PPP6R3: variants seen among roughly 807,000 people sequenced by gnomAD.
The protein encoded by PPP6R3 is protein phosphatase 6 regulatory subunit 3, also known as serine/threonine-protein phosphatase 6 regulatory subunit 3.
In PPP6R3, 38 loss-of-function variants were observed where a neutral mutation model predicts 110.7. The observed-to-expected ratio is 0.34, with a 90% confidence interval of 0.26 to 0.45. The LOEUF (loss-of-function observed/expected upper bound fraction) is 0.45, where lower values mean the gene tolerates loss of function less well. Among genes scored for constraint, PPP6R3 ranks in the 20% least tolerant of loss-of-function variants. The pLI, the probability that PPP6R3 is intolerant of heterozygous loss-of-function variation, is 1.00. For missense variants in PPP6R3, 870 were observed against 1,062.4 expected (o/e 0.82, Z 2.52); for synonymous variants, 369 against 373.5 (o/e 0.99, Z 0.14).
At chr11:68,554,339 TC>T (rs1044851731) in intron 7 of PPP6R3, 82 bp downstream of exon 7, 19 of 1,077,324 alleles carry the variant, frequency 1.8e-5, no homozygotes, top group Non-Finnish European at 2.4e-5. Flanking sequence ...TGGTAAGTGT[TC>T]CTTATGTGGG....
At chr11:68,609,743 C>T in intron 22 of PPP6R3, 161 bp from the exon 23 acceptor site, 1 of 1,555,598 alleles carries the variant, frequency 6.4e-7, no homozygotes, top group Non-Finnish European at 8.9e-7. Flanking sequence ...CAGTCACTGT[C>T]TGTGGTTGTG....
At chr11:68,598,496 T>TC (rs2099620881) in intron 19 of PPP6R3, among the ~76,000 whole-genome samples, 1 of 152,276 alleles carries the variant, frequency 6.6e-6, no homozygotes, top group Non-Finnish European at 1.5e-5. Context: ...GCTTCTCTGT[T>TC]CCTTGGGAAA....
intron 14 of PPP6R3, among the ~76,000 whole-genome samples, chr11:68,580,243 C>T (rs1033765807): frequency 1.1e-4 from 16 of 152,102 alleles, no homozygotes; most frequent in South Asian, 6.2e-4. Context: ...GCCAGAAAGG[C>T]GCCAAACAGC....
intron 5 of PPP6R3, among the ~76,000 whole-genome samples, chr11:68,550,596 T>A (rs753565463): frequency 6.6e-6 from 1 of 152,204 alleles, no homozygotes; most frequent in African/African-American, 2.4e-5. Context: ...GCGGAAAAAC[T>A]CTGCCTCTGT....
chr11:68,563,568 G>T (rs182512519), intron 8 of PPP6R3, among the ~76,000 whole-genome samples: 1 of 152,338 alleles, frequency 6.6e-6, no homozygotes, highest in East Asian at 1.9e-4. Context: ...TTTTGGGTAG[G>T]AGAGCATCAT....
intron 1 of PPP6R3, among the ~76,000 whole-genome samples, chr11:68,469,642 G>A (rs143228039): frequency 0.022 from 3,405 of 151,936 alleles, 54 homozygotes; most frequent in Middle Eastern, 0.037. Flanking sequence ...TTTTCCCAAA[G>A]TGCTGAGATA....
intron 3 of PPP6R3, among the ~76,000 whole-genome samples, chr11:68,541,531 AAT>A (rs1158145541): frequency 1.3e-5 from 2 of 152,068 alleles, no homozygotes; most frequent in Non-Finnish European, 2.9e-5. Flanking sequence ...ATGGCAGTGA[AAT>A]AAGATTGCAG....
intron 1 of PPP6R3, among the ~76,000 whole-genome samples, chr11:68,496,948 G>A (rs1031538071): frequency 1.5e-5 from 2 of 131,418 alleles, no homozygotes; most frequent in South Asian, 2.7e-4. Context: ...TGCAAACTCC[G>A]CCTCCCAGGT....
chr11:68,594,322 AAGAG>A lies in PPP6R3; in HGVS notation c.1917-1766_1917-1763del, dbSNP rs535164223. On this transcript the variant is annotated intron_variant, in intron 18 of 23. Coordinates refer to ENST00000393800, the MANE Select transcript of PPP6R3 (RefSeq NM_001164161.2). ...GAGGAGAGAGAGAGAGAGAGAGAAA[AAGAG>A]AGAGAGAGTGAGAGAGAGAGTGAGA... Among the ~76,000 whole-genome samples the A allele has an allele frequency of 1.4e-3, 170 of 125,520 alleles. 1 individual carries two copies. Among genetic ancestry groups the A allele is most frequent in the South Asian group, 9.9e-3 (38 of 3,826 alleles). The allele number at this position is 125,520 out of a possible 152,430, so 82.3% of individuals were successfully genotyped here. A position where few individuals can be genotyped will look rare whatever the true frequency, so the allele number is the denominator to read the frequency against.
rs1159714167 is a variant in PPP6R3, at chr11:68,587,927, G to A, written c.1633G>A (p.Ala545Thr). The change falls in exon 16 of 24, where the codon GCC becomes ACC. Residue 545 changes from alanine (A) to threonine (T), a missense_variant and splice_region_variant. Physicochemically the swap from Ala to Thr is moderately conservative, Grantham distance 58. Transcript: ENST00000393800. ...GFSQDSSLQQ[A>T]FSDYQMQQMT... ...CTGTCACTGGTCCTGGGGTTGCCAGGCCTTTTCTGATTATCAGATGCAACA... is the reference window on the plus strand; with the variant it reads ...CTGTCACTGGTCCTGGGGTTGCCAGACCTTTTCTGATTATCAGATGCAACA... 1.2e-6 allele frequency: 2 copies of A among 1,613,858 alleles called. No homozygotes were observed. The highest frequency in any genetic ancestry group is 1.7e-5 in the Admixed American group (1 of 60,026).
chr11:68,464,237 G>T (rs10047483), intron 1 of PPP6R3, among the ~76,000 whole-genome samples: 1 of 151,860 alleles, frequency 6.6e-6, no homozygotes, highest in African/African-American at 2.4e-5. Flanking sequence ...GGTTCAAGCA[G>T]TTCTCTGCCT....
chr11:68,561,904 C>T (rs2099424303), intron 8 of PPP6R3, among the ~76,000 whole-genome samples: 1 of 152,176 alleles, frequency 6.6e-6, no homozygotes, highest in Admixed American at 6.5e-5. Context: ...GGACTACAGG[C>T]ACAAGCCATC....
intron 1 of PPP6R3, among the ~76,000 whole-genome samples, chr11:68,462,863 A>G (rs1478985247): frequency 1.3e-5 from 2 of 152,144 alleles, no homozygotes; most frequent in African/African-American, 2.4e-5. Context: ...ACTCAGTCTT[A>G]AGTAGAGATG....
At chr11:68,572,576 A>G (rs2099511767) in intron 12 of PPP6R3, among the ~76,000 whole-genome samples, 1 of 152,180 alleles carries the variant, frequency 6.6e-6, no homozygotes, top group Admixed American at 6.5e-5. Flanking sequence ...CTGGCCAGGC[A>G]CGGTGGGAGA....
intron 3 of PPP6R3, among the ~76,000 whole-genome samples, chr11:68,540,907 G>A (rs1255275045): frequency 6.6e-6 from 1 of 152,144 alleles, no homozygotes. Flanking sequence ...AAGATGCTCA[G>A]ATTTCATATT....
At chr11:68,522,844 G>T (rs779647743) in intron 2 of PPP6R3, among the ~76,000 whole-genome samples, 6 of 152,172 alleles carry the variant, frequency 3.9e-5, no homozygotes, top group African/African-American at 1.4e-4. Context: ...TATTCTGCCT[G>T]TAGTTCTTTC....
Position 68,613,898 on chromosome 11 carries a change from A to ATTTTT in PPP6R3, c.*795_*799dup. On this transcript the variant is annotated 3_prime_UTR_variant, in exon 24 of 24. Coordinates refer to ENST00000393800, the MANE Select transcript of PPP6R3 (RefSeq NM_001164161.2). ...GAGTGTATATGGCTTGTGTTTTGGG[A>ATTTTT]TTTTTTTTTTTTTTTTTTGGCTTTT... 1.1e-6 allele frequency: 1 copy of ATTTTT among 917,798 alleles called. No homozygotes were observed. Among genetic ancestry groups the ATTTTT allele is most frequent in the Non-Finnish European group, 1.3e-6 (1 of 784,496 alleles). 56.9% of individuals were successfully genotyped at this position (917,798 alleles called of 1,614,324 possible). A position where few individuals can be genotyped will look rare whatever the true frequency, so the allele number is the denominator to read the frequency against.
chr11:68,600,456 G>A lies in PPP6R3; in HGVS notation c.2154G>A (p.Thr718=), dbSNP rs772826217. Residue 718 remains threonine (T), a synonymous_variant, in exon 20 of 24, where the codon ACG becomes ACA. Coordinates refer to ENST00000393800, the MANE Select transcript of PPP6R3 (RefSeq NM_001164161.2). The part of the protein sequence containing the change: ...STEEPMPTKE[T]GWASFSEFTS... ...AGGAGCCGATGCCAACTAAAGAGAC[G>A]GGCTGGGCTTCTTTTTCAGAGTTCA... The A allele has an allele frequency of 6.2e-6, 10 of 1,613,920 alleles. No homozygotes were observed. Among genetic ancestry groups the A allele is most frequent in the South Asian group, 1.1e-5 (1 of 91,076 alleles).
At chr11:68,489,552 T>TGTGTGTGTGTGTGTGTGTGTG (rs1491233294) in intron 1 of PPP6R3, among the ~76,000 whole-genome samples, 7 of 145,054 alleles carry the variant, frequency 4.8e-5, no homozygotes, top group African/African-American at 1.8e-4. Context: ...TACTGTGTGT[T>TGTGTGTGTGTGTGTGTGTGTG]TGTGTGTGTG....
Sources: gnomAD v4.1 joint callset for allele counts (sites outside exome capture counted in the v4.1 genomes callset) on GRCh38, gnomAD v4.1.1 for gene constraint, MANE v1.5 for transcripts, NCBI Gene and HGNC (gene_info 2026-07-23, HGNC 2026-07-21) for gene names.